Variants in TNNI3K observed in about 807,000 individuals in gnomAD.
TNNI3K encodes the protein serine/threonine-protein kinase TNNI3K.
Under a neutral mutation model 114.5 loss-of-function variants are expected in TNNI3K, and 140 were observed. The observed-to-expected ratio is 1.22, with a 90% confidence interval of 1.07 to 1.41. The LOEUF is 1.41. Ranked by LOEUF, TNNI3K falls within the 40% of genes most tolerant of loss-of-function variation. The probability of loss-of-function intolerance (pLI) is 0.00; values close to 1 mark genes in which losing one functional copy is unlikely to be tolerated. For missense variants in TNNI3K, 1,125 were observed against 1,007.6 expected (o/e 1.12, Z -1.58); for synonymous variants, 347 against 347.5 (o/e 1.00, Z 0.02).
At chr1:74,480,449 A>G (rs1668431022) in intron 21 of TNNI3K, 1 of 717,420 alleles carries the variant, frequency 1.4e-6, no homozygotes, top group Non-Finnish European at 2.6e-6. Context: ...TAACTGCTTC[A>G]GTGGAGTAAA....
intron 5 of TNNI3K, among the ~76,000 whole-genome samples, chr1:74,303,313 C>T (rs1346107886): frequency 1.3e-5 from 2 of 152,080 alleles, no homozygotes; most frequent in African/African-American, 2.4e-5. Flanking sequence ...CTGCCACCTG[C>T]CACCATGCCC....
chr1:74,275,016 A>G (rs1570404939), intron 5 of TNNI3K, among the ~76,000 whole-genome samples: 1 of 152,122 alleles, frequency 6.6e-6, no homozygotes, highest in East Asian at 1.9e-4. Context: ...AAGTCAAAAA[A>G]TTGTAAGCTG....
At chr1:74,528,671 G>T (rs1646540010) in intron 23 of TNNI3K, among the ~76,000 whole-genome samples, 1 of 152,184 alleles carries the variant, frequency 6.6e-6, no homozygotes. Context: ...TGGAGATGTT[G>T]CTGGAAACTT....
chr1:74,336,711 TG>T, intron 7 of TNNI3K, among the ~76,000 whole-genome samples: 1 of 151,360 alleles, frequency 6.6e-6, no homozygotes, highest in Non-Finnish European at 1.5e-5. Flanking sequence ...TAGTATTCCA[TG>T]GTGTATATGT....
chr1:74,460,649 A>G (rs879443214), intron 20 of TNNI3K, among the ~76,000 whole-genome samples: 12 of 152,344 alleles, frequency 7.9e-5, no homozygotes, highest in Admixed American at 7.8e-4. Flanking sequence ...AATTTCCCAG[A>G]TGTTAGTGTA....
At chr1:74,492,381 A>G in intron 23 of TNNI3K, 115 bp downstream of exon 23, 1 of 1,285,740 alleles carries the variant, frequency 7.8e-7, no homozygotes, top group Non-Finnish European at 1.0e-6. Flanking sequence ...AAAAACTTTG[A>G]AAGAGGAGTT....
At chr1:74,362,844 G>A (rs1662042975) in intron 11 of TNNI3K, among the ~76,000 whole-genome samples, 1 of 152,044 alleles carries the variant, frequency 6.6e-6, no homozygotes, top group African/African-American at 2.4e-5. Flanking sequence ...ATACACACAG[G>A]ACTGAAAGAG....
At chr1:74,434,783 T>A (rs1405784502) in intron 17 of TNNI3K, among the ~76,000 whole-genome samples, 1 of 152,052 alleles carries the variant, frequency 6.6e-6, no homozygotes, top group South Asian at 2.1e-4. Context: ...GATTTTAACA[T>A]ATTTTAGATT....
chr1:74,242,873 C>T (rs1654330734), intron 2 of TNNI3K, among the ~76,000 whole-genome samples: 1 of 151,966 alleles, frequency 6.6e-6, no homozygotes, highest in African/African-American at 2.4e-5. Flanking sequence ...CTATCTCTCC[C>T]TATTGTTCTC....
chr1:74,249,567 T>C, intron 3 of TNNI3K, 23 bp downstream of exon 3: 1 of 1,610,588 alleles, frequency 6.2e-7, no homozygotes, highest in Non-Finnish European at 8.5e-7. Context: ...AACTTAGTAC[T>C]TCTTAAACTG....
rs1664853991 is a variant in TNNI3K, at chr1:74,411,017, G to A, written c.1773-25063G>A. On this transcript the variant is annotated intron_variant, in intron 17 of 24. Transcript: ENST00000326637. Reference sequence around the variant, plus strand: ...TGTCTTTGTGTAGTCATACCTTAAAGCATACATTGCATGCTAAGTTTCAGG... The same window carrying A: ...TGTCTTTGTGTAGTCATACCTTAAAACATACATTGCATGCTAAGTTTCAGG... 2.6e-5 allele frequency among the ~76,000 whole-genome samples: 4 copies of A among 152,170 alleles called. No individual in the cohort carries two copies. The South Asian group carries it at 6.2e-4, about 24-fold the overall frequency.
intron 21 of TNNI3K, chr1:74,481,108 T>G: frequency 1.7e-6 from 1 of 571,970 alleles, no homozygotes; most frequent in Non-Finnish European, 3.1e-6. Flanking sequence ...AAAATGAAAA[T>G]GATTTTCTGA....
chr1:74,268,471 A>C (rs949030870), intron 4 of TNNI3K, among the ~76,000 whole-genome samples: 1 of 151,710 alleles, frequency 6.6e-6, no homozygotes, highest in Non-Finnish European at 1.5e-5. Context: ...GCCTTTTTCC[A>C]TGTTTTATTC....
chr1:74,416,341 A>T, intron 17 of TNNI3K: 1 of 985,330 alleles, frequency 1.0e-6, no homozygotes, highest in Non-Finnish European at 1.2e-6. Flanking sequence ...GACGGGCTAC[A>T]CTAATGATGG....
intron 5 of TNNI3K, among the ~76,000 whole-genome samples, chr1:74,284,916 T>C (rs1244056355): frequency 6.6e-6 from 1 of 152,232 alleles, no homozygotes; most frequent in Non-Finnish European, 1.5e-5. Context: ...TGACAATAGT[T>C]AAAGATTTTT....
chr1:74,265,573 G>T (rs189778007), intron 4 of TNNI3K, among the ~76,000 whole-genome samples: 1 of 152,090 alleles, frequency 6.6e-6, no homozygotes, highest in East Asian at 1.9e-4. Context: ...TGCCACACAT[G>T]AGGAAATGCT....
chr1:74,253,710 A>G (rs375430246), intron 4 of TNNI3K, among the ~76,000 whole-genome samples: 1 of 150,396 alleles, frequency 6.6e-6, no homozygotes, highest in African/African-American at 2.4e-5. Context: ...GTGCGGCCCC[A>G]GTTCCTGCCC....
In TNNI3K at chr1:74,279,054, T is replaced by A. The variant is rs111906243; in HGVS notation, c.444+7346T>A. On this transcript the variant is annotated intron_variant, in intron 5 of 24. Transcript: ENST00000326637. ...CCTGTCTATTTTCATTATAAATCAA[T>A]GCTGGAAGGAAATCTTCAACTAAAA... 2.9e-4 allele frequency among the ~76,000 whole-genome samples: 44 copies of A among 152,306 alleles called. 1 individual carries two copies. The highest frequency in any genetic ancestry group is 1.1e-3 in the African/African-American group (44 of 41,570).
At position 74,463,493 on chromosome 1, in the gene TNNI3K, T is replaced by C. The variant is rs1290730849; in HGVS notation, c.2064T>C (p.Tyr688=). The change falls in exon 21 of 25, where the codon TAT becomes TAC. Residue 688 remains tyrosine (Y), a synonymous_variant. Transcript: ENST00000326637. The part of the protein sequence containing the change: ...AYHHIRPPIG[Y]SIPKPISSLL... ...ACCACATCAGACCTCCCATTGGCTA[T>C]TCCATTCCCAAGCCCATATCATCTC... 3 of 1,614,078 alleles carry C rather than the reference T, an allele frequency of 1.9e-6. No individual in the cohort carries two copies. Among genetic ancestry groups the C allele is most frequent in the African/African-American group, 2.7e-5 (2 of 74,926 alleles).
Sources: allele counts gnomAD v4.1 joint callset (sites outside exome capture counted in the v4.1 genomes callset), GRCh38; gene constraint gnomAD v4.1.1; transcripts MANE v1.5; gene names NCBI Gene and HGNC (gene_info 2026-07-23, HGNC 2026-07-21).